The following CCDC91 variants were observed in gnomAD, a reference collection of about 807,000 sequenced individuals.
CCDC91 encodes the protein coiled-coil domain-containing protein 91.
In CCDC91, 48 loss-of-function variants were observed where a neutral mutation model predicts 63.2. That is an observed-to-expected ratio of 0.76 (90% CI 0.60 to 0.97). The LOEUF (loss-of-function observed/expected upper bound fraction) is 0.97, where lower values mean the gene tolerates loss of function less well. CCDC91 is among the 50% of genes least tolerant of loss of function. The pLI, the probability that CCDC91 is intolerant of heterozygous loss-of-function variation, is 0.00. For missense variants in CCDC91, 500 were observed against 494.6 expected (o/e 1.01, Z -0.10); for synonymous variants, 167 against 165.8 (o/e 1.01, Z -0.06).
At chr12:28,525,194 T>G (rs889449943) in intron 12 of CCDC91, among the ~76,000 whole-genome samples, 3 of 152,094 alleles carry the variant, frequency 2.0e-5, no homozygotes, top group Non-Finnish European at 4.4e-5. Context: ...TGACTTTAGA[T>G]TATCTGTTTG....
intron 1 of CCDC91, among the ~76,000 whole-genome samples, chr12:28,224,757 T>C (rs1199927344): frequency 1.3e-5 from 2 of 152,206 alleles, no homozygotes; most frequent in Non-Finnish European, 2.9e-5. Context: ...CTGGCCACAG[T>C]GAAAGTTTTT....
intron 12 of CCDC91, among the ~76,000 whole-genome samples, chr12:28,497,199 C>A (rs1427230082): frequency 2.0e-5 from 3 of 151,252 alleles, no homozygotes; most frequent in Non-Finnish European, 4.4e-5. Context: ...TTATGTGTCC[C>A]TCTAATCAAT....
At chr12:28,306,644 A>G in intron 4 of CCDC91, 98 bp from the exon 5 acceptor site, 1 of 788,754 alleles carries the variant, frequency 1.3e-6, no homozygotes, top group South Asian at 2.2e-5. Flanking sequence ...TCAACAACTT[A>G]ATTTCCAAAT....
At chr12:28,218,066 C>T (rs916758412) in intron 1 of CCDC91, among the ~76,000 whole-genome samples, 1 of 152,098 alleles carries the variant, frequency 6.6e-6, no homozygotes, top group African/African-American at 2.4e-5. Flanking sequence ...CTTCCTCCAT[C>T]CTCCGTGTTT....
chr12:28,323,357 C>T (rs1006432673), intron 6 of CCDC91, among the ~76,000 whole-genome samples: 1 of 151,762 alleles, frequency 6.6e-6, no homozygotes, highest in African/African-American at 2.4e-5. Context: ...ACACAGTTAG[C>T]TTGTTACCAT....
chr12:28,538,304 T>A (rs911014705), intron 12 of CCDC91, among the ~76,000 whole-genome samples: 2 of 135,196 alleles, frequency 1.5e-5, no homozygotes, highest in African/African-American at 5.5e-5. Context: ...CCCCTTCCTG[T>A]GTCCAAGTGC....
intron 7 of CCDC91, among the ~76,000 whole-genome samples, chr12:28,385,888 G>A (rs761838391): frequency 2.6e-5 from 4 of 152,128 alleles, no homozygotes; most frequent in Admixed American, 6.6e-5. Context: ...CATGCAATCA[G>A]TTCCACTAAA....
At chr12:28,504,292 G>C (rs905512117) in intron 12 of CCDC91, among the ~76,000 whole-genome samples, 3 of 151,638 alleles carry the variant, frequency 2.0e-5, no homozygotes, top group Non-Finnish European at 2.9e-5. Context: ...CCAAGAAAAT[G>C]TTTCCCAATA....
intron 6 of CCDC91, among the ~76,000 whole-genome samples, chr12:28,308,997 C>T (rs1939035473): frequency 1.3e-5 from 2 of 151,922 alleles, no homozygotes; most frequent in African/African-American, 4.8e-5. Flanking sequence ...AGTTTACCCT[C>T]AGGTATTTAT....
At chr12:28,435,907 GA>G (rs1279237664) in intron 8 of CCDC91, among the ~76,000 whole-genome samples, 23 of 151,856 alleles carry the variant, frequency 1.5e-4, no homozygotes, top group South Asian at 6.2e-4. Flanking sequence ...TCCTGTGTCT[GA>G]AATATAGCTA....
At chr12:28,336,799 G>C (rs1421695260) in intron 6 of CCDC91, among the ~76,000 whole-genome samples, 1 of 152,016 alleles carries the variant, frequency 6.6e-6, no homozygotes, top group East Asian at 1.9e-4. Flanking sequence ...TCCCATTCCT[G>C]AAAGTAGAGA....
intron 8 of CCDC91, among the ~76,000 whole-genome samples, chr12:28,444,372 GA>G (rs1949388361): frequency 6.6e-6 from 1 of 152,052 alleles, no homozygotes; most frequent in African/African-American, 2.4e-5. Context: ...TAATATTTGT[GA>G]AAAATAATCA....
chr12:28,224,833 T>G (rs1944170425), intron 1 of CCDC91, among the ~76,000 whole-genome samples: 1 of 152,194 alleles, frequency 6.6e-6, no homozygotes, highest in South Asian at 2.1e-4. Flanking sequence ...GAGTGGATCT[T>G]TAGGAATTGG....
chr12:28,276,463 G>A (rs542316558), intron 3 of CCDC91, among the ~76,000 whole-genome samples: 268 of 152,036 alleles, frequency 1.8e-3, no homozygotes, highest in Non-Finnish European at 3.4e-3. Flanking sequence ...CTCTTAATGG[G>A]AAGGATATAA....
chr12:28,469,484 T>C (rs1264214876), intron 11 of CCDC91, among the ~76,000 whole-genome samples: 2 of 152,040 alleles, frequency 1.3e-5, no homozygotes, highest in Non-Finnish European at 2.9e-5. Flanking sequence ...ATTGAAATAA[T>C]AAATATTGTT....
chr12:28,441,004 G>A (rs1949159098), intron 8 of CCDC91, among the ~76,000 whole-genome samples: 1 of 122,656 alleles, frequency 8.2e-6, no homozygotes, highest in South Asian at 2.8e-4. Context: ...GTTGCAGTGA[G>A]CCAAGATCGT....
chr12:28,289,988 G>A (rs187798442), intron 3 of CCDC91, among the ~76,000 whole-genome samples: 1 of 152,094 alleles, frequency 6.6e-6, no homozygotes. Context: ...CACCACACCT[G>A]GCCTGGGTGG....
In CCDC91 at chr12:28,261,640, A is replaced by G. The variant is rs1196134184; in HGVS notation, c.109+2198A>G. Among the ~76,000 whole-genome samples the G allele has an allele frequency of 5.7e-4, 87 of 152,160 alleles. 1 individual carries two copies. The highest frequency in any genetic ancestry group is 1.5e-5 in the Non-Finnish European group (1 of 67,944). On this transcript the variant is annotated intron_variant, in intron 3 of 12. Transcript: ENST00000536442. ...GTACTTCTTTACTTTTTATGAAAGC[A>G]TGAACAGAGTCTCTTTTCTTATAAT...
intron 7 of CCDC91, among the ~76,000 whole-genome samples, chr12:28,381,482 G>C (rs2638953): frequency 0.68 from 104,010 of 151,922 alleles, 36,178 homozygotes; most frequent in East Asian, 0.95. Context: ...TTGGTATTTG[G>C]GCATCAGTCT....
Sources: gnomAD v4.1 joint callset for allele counts (sites outside exome capture counted in the v4.1 genomes callset) on GRCh38, gnomAD v4.1.1 for gene constraint, MANE v1.5 for transcripts, NCBI Gene and HGNC (gene_info 2026-07-23, HGNC 2026-07-21) for gene names.